The following EPS8 variants were observed in gnomAD, a reference collection of about 807,000 sequenced individuals.
EPS8 encodes the protein EGFR pathway substrate 8, signaling adaptor.
Under a neutral mutation model 103.8 loss-of-function variants are expected in EPS8, and 42 were observed. The observed-to-expected ratio is 0.40, with a 90% CI of 0.32 to 0.52. EPS8 has a LOEUF of 0.52. EPS8 is among the 20% of genes least tolerant of loss of function. The pLI is 0.40. For synonymous variants in EPS8, 344 were observed against 344.6 expected, an observed-to-expected ratio of 1.00 and a Z score of 0.02; for missense variants, 969 against 1,005.1, an observed-to-expected ratio of 0.96 and a Z score of 0.49.
chr12:15,623,360 T>C lies in EPS8; in HGVS notation c.2226-73A>G, dbSNP rs974618911. The C allele has an allele frequency of 8.8e-6, 12 of 1,363,392 alleles. No homozygotes were observed. In the African/African-American group the frequency reaches 1.8e-4, roughly 20 times the overall value. The allele number at this position is 1,363,392 out of a possible 1,614,324, so 84.5% of individuals were successfully genotyped here. A position where few individuals can be genotyped will look rare whatever the true frequency, so the allele number is the denominator to read the frequency against. ...TACAAACAAAGGAGAAAATTATCTG[T>C]TCCTGCTAGTAACTTCTCTTTTCTA... On this transcript the variant is annotated intron_variant, in intron 19 of 20. Coordinates refer to ENST00000281172, the MANE Select transcript of EPS8 (RefSeq NM_004447.6).
At chr12:15,719,401 A>T (rs1946569988) in intron 1 of EPS8, among the ~76,000 whole-genome samples, 1 of 152,152 alleles carries the variant, frequency 6.6e-6, no homozygotes, top group South Asian at 2.1e-4. Context: ...ACCTGCAATT[A>T]AATTTGCACA....
rs1039928640 is a variant in EPS8 at position 15,714,478 on chromosome 12, C to CA, written c.-21-31507dup. On this transcript the variant is annotated intron_variant, in intron 1 of 20. Transcript: ENST00000281172. The surrounding 1 kb of genome is among the most constrained non-coding windows in gnomAD (Gnocchi z 4.1). ...GCAACATACCAAGACCCCATCTCCA[C>CA]AAAAAATTCAGCAATCAGCCAAGCA... Among the ~76,000 whole-genome samples, 10 of 152,024 alleles carry CA rather than the reference C, an allele frequency of 6.6e-5. No individual in the cohort carries two copies. The highest frequency in any genetic ancestry group is 1.3e-4 in the Non-Finnish European group (9 of 67,994).
At chr12:15,658,610 GATC>G (rs1565484118) in intron 10 of EPS8, 25 bp from the exon 11 acceptor site, 1 of 1,474,624 alleles carries the variant, frequency 6.8e-7, no homozygotes, top group Admixed American at 1.7e-5. Flanking sequence ...GAGAGGAGAG[GATC>G]AGAGCAAAAT....
Position 15,702,287 on chromosome 12 carries a change from G to A in EPS8, c.-21-19315C>T, listed in dbSNP as rs924874694. 2.6e-5 allele frequency among the ~76,000 whole-genome samples: 4 copies of A among 152,186 alleles called. No homozygotes were observed. Among genetic ancestry groups the A allele is most frequent in the Non-Finnish European group, 4.4e-5 (3 of 68,028 alleles). ...CCAGTGTGATTTTAGGGTTGAGAGA[G>A]TATCATCCTATTTCCTTAAAATCTA... is the stretch of plus-strand genomic sequence containing the variant. On this transcript the variant is annotated intron_variant, in intron 1 of 20. Transcript: ENST00000281172. This position sits in a 1 kb window ranked among gnomAD's most constrained non-coding sequence, Gnocchi z 5.1.
chr12:15,689,084 A>C (rs1946137050), intron 1 of EPS8, among the ~76,000 whole-genome samples: 1 of 152,080 alleles, frequency 6.6e-6, no homozygotes, highest in Non-Finnish European at 1.5e-5. Context: ...GTAACAGAAG[A>C]AGCTAAAATT....
In EPS8 at chr12:15,648,552, T is replaced by A. The variant is rs73311030; in HGVS notation, c.1435-1292A>T. Among the ~76,000 whole-genome samples the A allele has an allele frequency of 8.8e-3, 1,333 of 152,296 alleles. 18 individuals carry two copies. The highest frequency in any genetic ancestry group is 0.03 in the African/African-American group (1,256 of 41,560). ...TTCAGCCATTTAAATTAAAAAAATCTGAGCTCAATTAATTCAGTTTATCAT... is the reference window on the plus strand; with the variant it reads ...TTCAGCCATTTAAATTAAAAAAATCAGAGCTCAATTAATTCAGTTTATCAT... On this transcript the variant is annotated intron_variant, in intron 14 of 20. Transcript: ENST00000281172.
chr12:15,686,647 TAAAC>T (rs1411317025), intron 1 of EPS8, among the ~76,000 whole-genome samples: 1 of 152,036 alleles, frequency 6.6e-6, no homozygotes, highest in Admixed American at 6.6e-5. Flanking sequence ...TAAGAAGAAA[TAAAC>T]AAGGCTATAA....
rs995262577 is a variant in EPS8, at chr12:15,695,984, A to G, written c.-21-13012T>C. On this transcript the variant is annotated intron_variant, in intron 1 of 20. Transcript: ENST00000281172. The surrounding 1 kb of genome is among the most constrained non-coding windows in gnomAD (Gnocchi z 5.0). ...AAAAATAAAACAGATAGCGTTTATA[A>G]GGATACAAACACAGACTGCATCAAA... Among the ~76,000 whole-genome samples, 10 of 152,212 alleles carry G rather than the reference A, an allele frequency of 6.6e-5. No homozygotes were observed. The highest frequency in any genetic ancestry group is 1.0e-4 in the Non-Finnish European group (7 of 68,036).
chr12:15,722,978 C>T (rs1050367492), intron 1 of EPS8, among the ~76,000 whole-genome samples: 16 of 150,754 alleles, frequency 1.1e-4, no homozygotes, highest in Non-Finnish European at 3.0e-5. Context: ...CTCACACTCT[C>T]ACCAAAACAC....
Position 15,673,270 on chromosome 12 carries a change from C to T in EPS8, c.137-2347G>A, listed in dbSNP as rs1025296992. Among the ~76,000 whole-genome samples the T allele has an allele frequency of 2.6e-5, 4 of 152,128 alleles. No individual in the cohort carries two copies. The East Asian group carries it at 7.7e-4, about 29-fold the overall frequency. ...TACAATAAATAAGTTGTATAAGAAA[C>T]TACCTTTTAAAGATCCTAAAAATGT... On this transcript the variant is annotated intron_variant, in intron 3 of 20. Transcript: ENST00000281172.
intron 13 of EPS8, among the ~76,000 whole-genome samples, chr12:15,652,498 T>C (rs985105155): frequency 6.6e-5 from 10 of 152,180 alleles, no homozygotes; most frequent in African/African-American, 1.7e-4. Context: ...ATATCCTAAT[T>C]ACCCTGATTT....
rs879801030 is a variant in EPS8, at chr12:15,713,647, T to TTA, written c.-21-30677_-21-30676dup. On this transcript the variant is annotated intron_variant, in intron 1 of 20. Coordinates refer to ENST00000281172, the MANE Select transcript of EPS8 (RefSeq NM_004447.6). This position sits in a 1 kb window ranked among gnomAD's most constrained non-coding sequence, Gnocchi z 4.8. The stretch of plus-strand genomic sequence containing the variant: ...CACAACTCTAAAGCAGTCCTGATAC[T>TTA]TATGCAGGGACAGAAGGGGAGGCCC... 1.8e-4 allele frequency among the ~76,000 whole-genome samples: 28 copies of TTA among 152,288 alleles called. No individual in the cohort carries two copies. The highest frequency in any genetic ancestry group is 1.8e-3 in the Admixed American group (28 of 15,296).
At chr12:15,756,380 GCCAGTATCAAA>G (rs1289814731) in intron 1 of EPS8, among the ~76,000 whole-genome samples, 3 of 152,078 alleles carry the variant, frequency 2.0e-5, no homozygotes, top group African/African-American at 7.2e-5. Context: ...AAGTAAATTT[GCCAGTATCAAA>G]CCAAAAACAA....
At chr12:15,705,545 C>T (rs1223024658) in intron 1 of EPS8, among the ~76,000 whole-genome samples, 3 of 152,070 alleles carry the variant, frequency 2.0e-5, no homozygotes, top group Middle Eastern at 3.2e-3. Flanking sequence ...GAGAAGAAAA[C>T]ATTTAGATCT....
In EPS8 at chr12:15,701,887, T is replaced by G. The variant is rs1946316105; in HGVS notation, c.-21-18915A>C. On this transcript the variant is annotated intron_variant, in intron 1 of 20. Transcript: ENST00000281172. The surrounding 1 kb of genome is among the most constrained non-coding windows in gnomAD (Gnocchi z 5.1). Reference sequence around the variant, plus strand: ...GCTGTTTGTTTCCTCTTGAGTAATCTAGACTAAAAAGAGTTCAAACATCTG... The same window carrying G: ...GCTGTTTGTTTCCTCTTGAGTAATCGAGACTAAAAAGAGTTCAAACATCTG... 2.6e-5 allele frequency among the ~76,000 whole-genome samples: 4 copies of G among 152,170 alleles called. No homozygotes were observed. The highest frequency in any genetic ancestry group is 2.6e-4 in the Admixed American group (4 of 15,284).
rs1397545430 is a variant in EPS8 at position 15,693,366 on chromosome 12, T to G, written c.-21-10394A>C. Among the ~76,000 whole-genome samples, 2 of 152,232 alleles carry G rather than the reference T, an allele frequency of 1.3e-5. No individual in the cohort carries two copies. Among genetic ancestry groups the G allele is most frequent in the African/African-American group, 4.8e-5 (2 of 41,448 alleles). On this transcript the variant is annotated intron_variant, in intron 1 of 20. Coordinates refer to ENST00000281172, the MANE Select transcript of EPS8 (RefSeq NM_004447.6). The surrounding 1 kb of genome is among the most constrained non-coding windows in gnomAD (Gnocchi z 5.6). The stretch of plus-strand genomic sequence containing the variant: ...GGTATCCCCAACCGAGTTCTCTAGT[T>G]CACATTCTCCACAGAATAAACTACT...
In EPS8 at chr12:15,757,071, C is replaced by T. The variant is rs2136025889; in HGVS notation, c.-22+32090G>A. On this transcript the variant is annotated intron_variant, in intron 1 of 20. Coordinates refer to ENST00000281172, the MANE Select transcript of EPS8 (RefSeq NM_004447.6). The surrounding 1 kb of genome is among the most constrained non-coding windows in gnomAD (Gnocchi z 4.1). ...ATTCATGTTAGTTTTCATCCATAAG[C>T]TCCAAGTGGATAATGATCATATCTC... Among the ~76,000 whole-genome samples, 1 of 152,300 alleles carries T rather than the reference C, an allele frequency of 6.6e-6. No homozygotes were observed. Among genetic ancestry groups the T allele is most frequent in the African/African-American group, 2.4e-5 (1 of 41,574 alleles).
chr12:15,725,672 T>C lies in EPS8; in HGVS notation c.-21-42700A>G, dbSNP rs12813946. Among the ~76,000 whole-genome samples, 1 of 152,126 alleles carries C rather than the reference T, an allele frequency of 6.6e-6. No homozygotes were observed. The highest frequency in any genetic ancestry group is 1.9e-4 in the East Asian group (1 of 5,184). ...ACCTTGGACATTAGACCTGTAAAGA[T>C]CTCATTATCTCATTAAAAGAATCCT... On this transcript the variant is annotated intron_variant, in intron 1 of 20. Coordinates refer to ENST00000281172, the MANE Select transcript of EPS8 (RefSeq NM_004447.6). This position sits in a 1 kb window ranked among gnomAD's most constrained non-coding sequence, Gnocchi z 4.5.
chr12:15,722,987 A>T (rs2135980477), intron 1 of EPS8, among the ~76,000 whole-genome samples: 1 of 149,952 alleles, frequency 6.7e-6, no homozygotes, highest in East Asian at 2.0e-4. Flanking sequence ...TCACCAAAAC[A>T]CTGGATATCA....
Sources: gnomAD v4.1 joint callset for allele counts (sites outside exome capture counted in the v4.1 genomes callset) on GRCh38, gnomAD v4.1.1 for gene constraint, Gnocchi (gnomAD v3.1) non-coding constraint, MANE v1.5 for transcripts, NCBI Gene and HGNC (gene_info 2026-07-23, HGNC 2026-07-21) for gene names.